The following DGKB variants were observed in gnomAD, a reference collection of about 807,000 sequenced individuals.
DGKB encodes diacylglycerol kinase beta, also known as 90 kDa diacylglycerol kinase.
DGKB carries 67 observed loss-of-function variants against 114.3 expected under a neutral mutation model. The observed-to-expected ratio is 0.59, with a 90% CI of 0.48 to 0.72. DGKB has a LOEUF of 0.72. Ranked by LOEUF, DGKB falls within the 30% of genes least tolerant of loss-of-function variation. The pLI is 0.00. For synonymous variants in DGKB, 398 were observed against 323.1 expected (o/e 1.23, Z -2.49); for missense variants, 907 against 975.2 (o/e 0.93, Z 0.93).
intron 1 of DGKB, among the ~76,000 whole-genome samples, chr7:14,960,922 C>T (rs763848947): frequency 8.6e-5 from 13 of 151,910 alleles, no homozygotes; most frequent in African/African-American, 1.7e-4. Context: ...TGATCTCGGG[C>T]GTGGGCGGAG....
chr7:14,481,285 T>G (rs1782953912), intron 20 of DGKB, among the ~76,000 whole-genome samples: 1 of 151,944 alleles, frequency 6.6e-6, no homozygotes, highest in African/African-American at 2.4e-5. Flanking sequence ...TTGCCCTAAA[T>G]CTCCAAATTT....
intron 13 of DGKB, among the ~76,000 whole-genome samples, chr7:14,631,170 G>T (rs1809610238): frequency 6.7e-6 from 1 of 149,268 alleles, no homozygotes; most frequent in African/African-American, 2.5e-5. Flanking sequence ...GGTCTGGGCA[G>T]TGCTAGATCA....
intron 2 of DGKB, among the ~76,000 whole-genome samples, chr7:14,789,039 C>T (rs933026062): frequency 1.3e-5 from 2 of 151,744 alleles, no homozygotes; most frequent in Non-Finnish European, 2.9e-5. Flanking sequence ...CCAGACCCAA[C>T]CTTAAGCACA....
chr7:14,671,429 T>A (rs1818944964), intron 13 of DGKB, among the ~76,000 whole-genome samples: 1 of 152,170 alleles, frequency 6.6e-6, no homozygotes, highest in Non-Finnish European at 1.5e-5. Flanking sequence ...ACTGTGGGGA[T>A]ATTTAATGAT....
At chr7:14,507,071 G>A (rs1445718582) in intron 20 of DGKB, among the ~76,000 whole-genome samples, 2 of 152,204 alleles carry the variant, frequency 1.3e-5, no homozygotes, top group African/African-American at 4.8e-5. Flanking sequence ...TTAAAAGAGA[G>A]CAGCCTGACT....
At chr7:14,235,862 T>C (rs1251628761) in intron 23 of DGKB, among the ~76,000 whole-genome samples, 3 of 152,050 alleles carry the variant, frequency 2.0e-5, no homozygotes, top group Non-Finnish European at 4.4e-5. Flanking sequence ...TGGCAACATA[T>C]GTGATAGGCA....
At chr7:14,831,521 A>T (rs747446428) in intron 2 of DGKB, among the ~76,000 whole-genome samples, 2 of 151,894 alleles carry the variant, frequency 1.3e-5, no homozygotes, top group Non-Finnish European at 2.9e-5. Context: ...AAATTTGGGG[A>T]TTTCCTCCTG....
intron 21 of DGKB, among the ~76,000 whole-genome samples, chr7:14,397,167 A>T (rs955502357): frequency 2.0e-5 from 3 of 152,084 alleles, no homozygotes; most frequent in Admixed American, 2.0e-4. Flanking sequence ...GTTCTTGAAG[A>T]TAGAAAATTA....
intron 2 of DGKB, among the ~76,000 whole-genome samples, chr7:14,763,838 TG>T (rs1409457887): frequency 4.2e-4 from 64 of 152,212 alleles, no homozygotes; most frequent in African/African-American, 1.5e-3. Flanking sequence ...TTTAGTGGAC[TG>T]ACTGTAAGTT....
At chr7:14,542,985 T>C (rs766159724) in intron 20 of DGKB, among the ~76,000 whole-genome samples, 12 of 152,178 alleles carry the variant, frequency 7.9e-5, no homozygotes, top group Non-Finnish European at 1.6e-4. Context: ...GGGAAAGATA[T>C]GGATATGTCA....
At chr7:14,388,600 C>G (rs1021801905) in intron 21 of DGKB, among the ~76,000 whole-genome samples, 26 of 151,744 alleles carry the variant, frequency 1.7e-4, no homozygotes, top group African/African-American at 5.8e-4. Context: ...CTTTTATTGG[C>G]AGGAAGAGAA....
At chr7:14,818,809 C>T (rs1477350703) in intron 2 of DGKB, among the ~76,000 whole-genome samples, 1 of 152,024 alleles carries the variant, frequency 6.6e-6, no homozygotes, top group Non-Finnish European at 1.5e-5. Context: ...CTGCTGTATG[C>T]TCAAAATTCT....
In DGKB at chr7:14,332,633, T is replaced by TA. The variant is rs919350671; in HGVS notation, c.2122+5881dup. The stretch of plus-strand genomic sequence containing the variant: ...TTTTGATTAACATTATAAATGATAG[T>TA]AAAAAATTCAGCATTTCTTACCACA... On this transcript the variant is annotated intron_variant, in intron 23 of 25. Coordinates refer to ENST00000402815, the MANE Select transcript of DGKB (RefSeq NM_001350709.2). Among the ~76,000 whole-genome samples the TA allele has an allele frequency of 3.7e-4, 56 of 152,296 alleles. 1 individual carries two copies. The highest frequency in any genetic ancestry group is 4.7e-4 in the Non-Finnish European group (32 of 68,024).
intron 23 of DGKB, among the ~76,000 whole-genome samples, chr7:14,319,983 G>C (rs1807424839): frequency 6.6e-6 from 1 of 152,152 alleles, no homozygotes; most frequent in Admixed American, 6.5e-5. Flanking sequence ...CAGGCTCCCA[G>C]AGCTCTGCTC....
At chr7:14,689,180 T>C (rs1463692491) in intron 9 of DGKB, among the ~76,000 whole-genome samples, 3 of 146,530 alleles carry the variant, frequency 2.0e-5, no homozygotes, top group African/African-American at 7.5e-5. Context: ...ATTATGACAA[T>C]GTGACAGAAA....
intron 21 of DGKB, among the ~76,000 whole-genome samples, chr7:14,374,946 T>G (rs1818254823): frequency 6.6e-6 from 1 of 152,208 alleles, no homozygotes; most frequent in South Asian, 2.1e-4. Flanking sequence ...ATATGTGATA[T>G]TCCCTCTGTC....
chr7:14,568,581 A>G (rs775892768), intron 20 of DGKB, among the ~76,000 whole-genome samples: 1 of 152,206 alleles, frequency 6.6e-6, no homozygotes, highest in Non-Finnish European at 1.5e-5. Context: ...TCACCGATTG[A>G]CAACATAGAG....
At chr7:14,740,237 CT>C (rs58096142) in intron 4 of DGKB, among the ~76,000 whole-genome samples, 26,912 of 142,442 alleles carry the variant, frequency 0.19, 3,094 homozygotes, top group African/African-American at 0.31. Flanking sequence ...ACGCTTAAGC[CT>C]TTTTTTTTTT....
chr7:14,211,028 C>T (rs1014488048), intron 23 of DGKB, among the ~76,000 whole-genome samples: 2 of 152,030 alleles, frequency 1.3e-5, no homozygotes, highest in Admixed American at 6.6e-5. Context: ...ACAGCTATCA[C>T]CTTCCCCAGG....
Sources: gnomAD v4.1 joint callset for allele counts (sites outside exome capture counted in the v4.1 genomes callset) on GRCh38, gnomAD v4.1.1 for gene constraint, MANE v1.5 for transcripts, NCBI Gene and HGNC (gene_info 2026-07-23, HGNC 2026-07-21) for gene names.